TULP4: variants seen among roughly 807,000 people sequenced by gnomAD.
The protein encoded by TULP4 is tubby-related protein 4.
A neutral mutation model predicts 129.0 loss-of-function variants in TULP4; 16 were observed. The observed-to-expected ratio is 0.12, with a 90% CI of 0.08 to 0.19. TULP4 has a LOEUF of 0.19. Ranked by LOEUF, TULP4 falls within the 10% of genes least tolerant of loss-of-function variation. The pLI is 1.00. For missense variants in TULP4, 1,842 were observed against 2,059.1 expected (o/e 0.89, Z 2.04); for synonymous variants, 998 against 854.0 (o/e 1.17, Z -2.94).
intron 2 of TULP4, among the ~76,000 whole-genome samples, chr6:158,419,479 A>C (rs886998893): frequency 2.0e-5 from 3 of 152,242 alleles, no homozygotes; most frequent in Non-Finnish European, 4.4e-5. Context: ...ACAGGAACAA[A>C]TATAATGCTA....
At chr6:158,412,030 C>T (rs552069923) in intron 1 of TULP4, among the ~76,000 whole-genome samples, 5 of 152,304 alleles carry the variant, frequency 3.3e-5, no homozygotes, top group African/African-American at 1.2e-4. Flanking sequence ...CAAGAGTACT[C>T]TTGCCTGGTT....
chr6:158,249,358 T>TTTTTTTTTTTTTTTTTGAGACGG (rs1554273920), intron 1 of TULP4, among the ~76,000 whole-genome samples: 1 of 152,152 alleles, frequency 6.6e-6, no homozygotes, highest in Non-Finnish European at 1.5e-5. Context: ...CAATAACTCT[T>TTTTTTTTTTTTTTTTTGAGACGG]AATAAAAGAC....
intron 1 of TULP4, among the ~76,000 whole-genome samples, chr6:158,365,706 T>C (rs827996): frequency 0.22 from 32,608 of 151,062 alleles, 3,594 homozygotes; most frequent in Middle Eastern, 0.29. Context: ...CTCCTGACCT[T>C]GTGATCCGCC....
chr6:158,304,058 A>G (rs1056220299), intron 1 of TULP4, among the ~76,000 whole-genome samples: 3 of 152,210 alleles, frequency 2.0e-5, no homozygotes, highest in Admixed American at 6.5e-5. Flanking sequence ...AATTGGGGAC[A>G]AGAGAGGGAG....
chr6:158,302,227 G>A (rs1779144820), intron 1 of TULP4, among the ~76,000 whole-genome samples: 1 of 152,202 alleles, frequency 6.6e-6, no homozygotes, highest in South Asian at 2.1e-4. Context: ...CCCTGAGGAA[G>A]TACTTTCCAT....
Position 158,360,596 on chromosome 6 carries a change from C to G in TULP4, c.252+46328C>G, listed in dbSNP as rs563119170. ...GTTAAAAAATGAGTGTAGCAAAAAC[C>G]AGACAGTCAGGTAAAAGGGGAAGAA... On this transcript the variant is annotated intron_variant, in intron 1 of 13. Transcript: ENST00000367097. Among the ~76,000 whole-genome samples, 48 of 152,176 alleles carry G rather than the reference C, an allele frequency of 3.2e-4. 1 individual carries two copies. The highest frequency in any genetic ancestry group is 3.4e-3 in the Middle Eastern group (1 of 294).
chr6:158,278,387 GT>G (rs778202071), upstream of TULP4, among the ~76,000 whole-genome samples: 190 of 140,302 alleles, frequency 1.4e-3, no homozygotes, highest in Middle Eastern at 7.4e-3. Flanking sequence ...GAAAATACTA[GT>G]TTTTTTTTTT....
chr6:158,232,981 C>T (rs1477798927), intron 1 of TULP4, among the ~76,000 whole-genome samples: 1 of 152,266 alleles, frequency 6.6e-6, no homozygotes, highest in East Asian at 1.9e-4. Flanking sequence ...ACCAACCCTT[C>T]CTCTTTGCCA....
chr6:158,367,126 G>T (rs1283225675), intron 1 of TULP4, among the ~76,000 whole-genome samples: 1 of 152,110 alleles, frequency 6.6e-6, no homozygotes, highest in Non-Finnish European at 1.5e-5. Flanking sequence ...AATGGAGTTG[G>T]CCACTGTCAC....
intron 1 of TULP4, among the ~76,000 whole-genome samples, chr6:158,377,831 A>G (rs1194617496): frequency 2.6e-5 from 4 of 152,210 alleles, no homozygotes; most frequent in East Asian, 3.8e-4. Context: ...TAATGGTTAT[A>G]TATTGTAATA....
chr6:158,290,935 C>G (rs1778927904), intron 1 of TULP4, among the ~76,000 whole-genome samples: 1 of 152,216 alleles, frequency 6.6e-6, no homozygotes, highest in African/African-American at 2.4e-5. Context: ...AAGCATTTAA[C>G]CTGCCTGTGC....
intron 13 of TULP4, 39 bp downstream of exon 13, chr6:158,504,217 G>A: frequency 4.1e-6 from 6 of 1,473,646 alleles, no homozygotes; most frequent in Non-Finnish European, 5.4e-6. Context: ...AGCCCAGGAG[G>A]CGAGGGTTTC....
intron 1 of TULP4, among the ~76,000 whole-genome samples, chr6:158,329,997 A>T (rs537433380): frequency 3.2e-4 from 48 of 148,828 alleles, no homozygotes; most frequent in Admixed American, 7.6e-4. Flanking sequence ...TTAACCACAT[A>T]TGTAATATTA....
intron 1 of TULP4, among the ~76,000 whole-genome samples, chr6:158,384,369 G>GCT (rs1006071563): frequency 4.7e-5 from 7 of 150,224 alleles, no homozygotes; most frequent in African/African-American, 1.5e-4. Context: ...CTCACTGCAA[G>GCT]CTCCACCTCC....
chr6:158,408,987 TGA>T (rs1778026584), intron 1 of TULP4, among the ~76,000 whole-genome samples: 1 of 152,224 alleles, frequency 6.6e-6, no homozygotes, highest in African/African-American at 2.4e-5. Flanking sequence ...TGTTTTAGGT[TGA>T]GAGAAATCCT....
At chr6:158,488,430 C>T (rs1292001141) in intron 8 of TULP4, among the ~76,000 whole-genome samples, 2 of 152,152 alleles carry the variant, frequency 1.3e-5, no homozygotes, top group East Asian at 1.9e-4. Context: ...CGTCGAGCCT[C>T]CTGATTCAGT....
chr6:158,273,959 G>A (rs553479855), intron 1 of TULP4, among the ~76,000 whole-genome samples: 18 of 152,194 alleles, frequency 1.2e-4, no homozygotes, highest in Middle Eastern at 3.4e-3. Context: ...CACGTCCCTC[G>A]GTTAAAACCT....
intron 1 of TULP4, among the ~76,000 whole-genome samples, chr6:158,337,333 G>A (rs183951281): frequency 1.3e-5 from 2 of 151,898 alleles, no homozygotes; most frequent in East Asian, 3.9e-4. Context: ...GTTTCACCAT[G>A]TTGCCCAAAC....
chr6:158,447,587 GT>G (rs1779080233), intron 3 of TULP4, among the ~76,000 whole-genome samples: 2 of 152,150 alleles, frequency 1.3e-5, no homozygotes. Flanking sequence ...TAGTGCATTC[GT>G]TTAGCAATAA....
Sources: gnomAD v4.1 joint callset for allele counts (sites outside exome capture counted in the v4.1 genomes callset) on GRCh38, gnomAD v4.1.1 for gene constraint, MANE v1.5 for transcripts, NCBI Gene and HGNC (gene_info 2026-07-23, HGNC 2026-07-21) for gene names.